PACRG: variants seen among roughly 807,000 people sequenced by gnomAD.
The protein encoded by PACRG is parkin coregulated gene protein.
Under a neutral mutation model 29.7 loss-of-function variants are expected in PACRG, and 29 were observed. The observed-to-expected ratio is 0.98, with a 90% CI of 0.73 to 1.33. The LOEUF (loss-of-function observed/expected upper bound fraction) is 1.33, where lower values mean the gene tolerates loss of function less well. Ranked by LOEUF, PACRG falls within the 40% of genes most tolerant of loss-of-function variation. PACRG has a pLI of 0.00. For synonymous variants in PACRG, 116 were observed against 118.7 expected (o/e 0.98, Z 0.15); for missense variants, 279 against 316.2 (o/e 0.88, Z 0.89).
intron 4 of PACRG, among the ~76,000 whole-genome samples, chr6:163,175,759 G>A (rs1463501368): frequency 6.6e-6 from 1 of 150,874 alleles, no homozygotes; most frequent in Non-Finnish European, 1.5e-5. Context: ...GGAGGAGGAG[G>A]AGGAGGAGGA....
intron 4 of PACRG, among the ~76,000 whole-genome samples, chr6:163,234,224 A>G (rs2128164913): frequency 1.6e-5 from 2 of 122,222 alleles, no homozygotes; most frequent in South Asian, 3.2e-4. Flanking sequence ...TTGATCTGCA[A>G]TGTTTGAAGT....
intron 1 of PACRG, among the ~76,000 whole-genome samples, chr6:162,783,614 G>A (rs541949502): frequency 2.6e-5 from 4 of 152,070 alleles, no homozygotes; most frequent in South Asian, 2.1e-4. Flanking sequence ...TATGTGGAAA[G>A]CATTTAATAG....
chr6:162,842,389 GTC>G, intron 2 of PACRG, among the ~76,000 whole-genome samples: 1 of 149,778 alleles, frequency 6.7e-6, no homozygotes, highest in East Asian at 2.0e-4. Context: ...TTGGTTTAAA[GTC>G]TGTTTTATCA....
chr6:163,007,922 C>T (rs1805268790), intron 2 of PACRG, among the ~76,000 whole-genome samples: 1 of 152,080 alleles, frequency 6.6e-6, no homozygotes, highest in African/African-American at 2.4e-5. Context: ...ACAGTGTGAC[C>T]TCAGCTGAGC....
intron 4 of PACRG, among the ~76,000 whole-genome samples, chr6:163,228,593 T>C (rs1781902623): frequency 6.6e-6 from 1 of 152,178 alleles, no homozygotes; most frequent in Admixed American, 6.5e-5. Flanking sequence ...AATTCCTTTT[T>C]ATGGAAAAAG....
chr6:163,067,009 T>C (rs1811602420), intron 3 of PACRG, among the ~76,000 whole-genome samples: 1 of 152,206 alleles, frequency 6.6e-6, no homozygotes, highest in African/African-American at 2.4e-5. Context: ...CTGCTACTCA[T>C]CGTTTTCACC....
chr6:162,887,956 TG>T (rs1030796796), intron 2 of PACRG, among the ~76,000 whole-genome samples: 22 of 152,166 alleles, frequency 1.4e-4, no homozygotes, highest in Admixed American at 1.4e-3. Context: ...CTCCCGGTTC[TG>T]GGGGTGGTAA....
rs565012702 is a variant in PACRG, at chr6:163,030,241, C to T, written c.292-31909C>T. Among the ~76,000 whole-genome samples, 8 of 152,274 alleles carry T rather than the reference C, an allele frequency of 5.3e-5. No homozygotes were observed. The East Asian group carries it at 1.4e-3, about 26-fold the overall frequency. ...TGGGCAGGAAGGAGACTGTTTCACT[C>T]ACCTTGTGGATGAGCATGGCCAGTC... On this transcript the variant is annotated intron_variant, in intron 2 of 4. Transcript: ENST00000366888.
intron 2 of PACRG, among the ~76,000 whole-genome samples, chr6:162,994,741 C>T (rs1354153003): frequency 6.7e-5 from 10 of 149,292 alleles, no homozygotes; most frequent in African/African-American, 1.8e-4. Flanking sequence ...TCTCTCAGCT[C>T]GTCAAAGTCA....
intron 1 of PACRG, among the ~76,000 whole-genome samples, chr6:162,784,083 A>G (rs1031485475): frequency 2.0e-5 from 3 of 152,218 alleles, no homozygotes; most frequent in Non-Finnish European, 2.9e-5. Flanking sequence ...TTACAAATTT[A>G]GAATATTGAG....
intron 4 of PACRG, among the ~76,000 whole-genome samples, chr6:163,135,638 G>A (rs1487893520): frequency 6.6e-6 from 1 of 152,168 alleles, no homozygotes; most frequent in African/African-American, 2.4e-5. Flanking sequence ...CTTAGTATAT[G>A]TGAGCTGGAG....
intron 4 of PACRG, among the ~76,000 whole-genome samples, chr6:163,200,276 C>T (rs1324032609): frequency 2.4e-4 from 37 of 151,850 alleles, no homozygotes; most frequent in Non-Finnish European, 1.5e-5. Context: ...CTTTTAGTCC[C>T]CTGGGACTCT....
chr6:163,287,462 C>T (rs970161026), intron 4 of PACRG, among the ~76,000 whole-genome samples: 19 of 152,314 alleles, frequency 1.2e-4, no homozygotes, highest in African/African-American at 4.1e-4. Flanking sequence ...CGGCCATGCT[C>T]ACCTCCTCCT....
chr6:162,760,996 G>A (rs181670616), intron 1 of PACRG, among the ~76,000 whole-genome samples: 3 of 152,300 alleles, frequency 2.0e-5, no homozygotes, highest in Admixed American at 1.3e-4. Context: ...TGATGGCTTG[G>A]CCGGGCAGGG....
intron 1 of PACRG, among the ~76,000 whole-genome samples, chr6:162,772,625 A>C (rs763301271): frequency 6.6e-6 from 1 of 152,206 alleles, no homozygotes; most frequent in Non-Finnish European, 1.5e-5. Flanking sequence ...ATGAATTCCA[A>C]GTATTGAGAG....
chr6:163,288,697 C>A (rs1254999243), intron 4 of PACRG, among the ~76,000 whole-genome samples: 1 of 152,106 alleles, frequency 6.6e-6, no homozygotes, highest in Non-Finnish European at 1.5e-5. Context: ...GCATAGAGAA[C>A]TTTTTATGAC....
At chr6:162,732,534 G>A (rs952197092) in intron 1 of PACRG, among the ~76,000 whole-genome samples, 7 of 152,184 alleles carry the variant, frequency 4.6e-5, no homozygotes, top group Non-Finnish European at 4.4e-5. Flanking sequence ...AATATTGGGG[G>A]ATAATTAGAA....
chr6:162,763,520 C>G (rs984308825), intron 1 of PACRG, among the ~76,000 whole-genome samples: 7 of 152,170 alleles, frequency 4.6e-5, no homozygotes, highest in Admixed American at 2.0e-4. Flanking sequence ...AGTCACAACC[C>G]TTTTTGAATA....
chr6:162,787,576 GTGTGTGTATA>G (rs1490585686), intron 1 of PACRG, among the ~76,000 whole-genome samples: 1,341 of 59,260 alleles, frequency 0.023, 26 homozygotes, highest in African/African-American at 0.087. Flanking sequence ...GTGTGTGTGT[GTGTGTGTATA>G]TATATATATA....
Sources: allele counts gnomAD v4.1 joint callset (sites outside exome capture counted in the v4.1 genomes callset), GRCh38; gene constraint gnomAD v4.1.1; transcripts MANE v1.5; gene names NCBI Gene and HGNC (gene_info 2026-07-23, HGNC 2026-07-21).